MAP4: variants seen among roughly 807,000 people sequenced by gnomAD.
MAP4 encodes the protein microtubule associated protein 4.
A neutral mutation model predicts 170.2 loss-of-function variants in MAP4; 76 were observed. The ratio of observed to expected loss-of-function variants is 0.45; its 90% CI spans 0.37 to 0.54. MAP4 has a LOEUF of 0.54. Ranked by LOEUF, MAP4 falls within the 20% of genes least tolerant of loss-of-function variation. The pLI, the probability that MAP4 is intolerant of heterozygous loss-of-function variation, is 0.00. For missense variants in MAP4, 2,506 were observed against 2,748.0 expected, an observed-to-expected ratio of 0.91 and a Z score of 1.97; for synonymous variants, 909 against 994.5, an observed-to-expected ratio of 0.91 and a Z score of 1.62.
chr3:47,973,268 A>G (rs2100079850), intron 3 of MAP4: 6 of 985,260 alleles, frequency 6.1e-6, no homozygotes, highest in Non-Finnish European at 7.2e-6. Context: ...AAAAGGAAAA[A>G]AAAAGAGAGA....
At chr3:48,015,973 C>T (rs2100107598) in intron 1 of MAP4, among the ~76,000 whole-genome samples, 1 of 152,186 alleles carries the variant, frequency 6.6e-6, no homozygotes, top group Non-Finnish European at 1.5e-5. Context: ...CTAGGTTCCT[C>T]CCTACACAGT....
rs760375075 is a variant in MAP4 at position 47,928,342 on chromosome 3, T to A, written c.301A>T (p.Thr101Ser). Reference protein sequence around the residue: ...VEGSDTTGSPTEFLEEKMAYQ... With the variant: ...VEGSDTTGSPSEFLEEKMAYQ... ...GCCATTTTCTCTTCAAGGAATTCAG[T>A]TGGAGACCCTTAAAATAGAGACACA... Residue 101 changes from threonine (T) to serine (S), a missense_variant, in exon 4 of 21, where the codon ACT (threonine) becomes TCT (serine). Transcript: ENST00000683076. 5.1e-5 allele frequency: 82 copies of A among 1,613,960 alleles called. No individual in the cohort carries two copies. Among genetic ancestry groups the A allele is most frequent in the Non-Finnish European group, 6.5e-5 (77 of 1,179,972 alleles).
intron 17 of MAP4, 68 bp downstream of exon 17, chr3:47,867,178 G>T: frequency 9.2e-7 from 1 of 1,090,688 alleles, no homozygotes; most frequent in South Asian, 1.3e-5. Flanking sequence ...TGGGCACCTG[G>T]CTCTCTCCCT....
chr3:48,007,057 A>G (rs1490813736), intron 1 of MAP4, among the ~76,000 whole-genome samples: 1 of 152,186 alleles, frequency 6.6e-6, no homozygotes, highest in Non-Finnish European at 1.5e-5. Context: ...TCATAATCTT[A>G]TTTGGAGAGA....
rs2100078246 is a variant in MAP4, at chr3:47,970,845, A to G, written c.292+7020T>C. ...AAACAAAAACAAACAAAAAAAAATC[A>G]GAATTATATTTTCACTTAAAGCTCA... On this transcript the variant is annotated intron_variant, in intron 3 of 20. Transcript: ENST00000683076. 2.6e-5 allele frequency among the ~76,000 whole-genome samples: 4 copies of G among 152,162 alleles called. No homozygotes were observed. The South Asian group carries it at 6.2e-4, about 24-fold the overall frequency.
chr3:48,027,192 T>C (rs1231080959), intron 1 of MAP4, among the ~76,000 whole-genome samples: 10 of 152,170 alleles, frequency 6.6e-5, no homozygotes, highest in Admixed American at 5.9e-4. Flanking sequence ...ACAGCTCAAG[T>C]AAATACATGT....
intron 10 of MAP4, among the ~76,000 whole-genome samples, chr3:47,901,795 C>G (rs1408473669): frequency 6.6e-6 from 1 of 152,130 alleles, no homozygotes; most frequent in Admixed American, 6.6e-5. Context: ...CAGAATCCCC[C>G]AATGCTATTT....
chr3:48,061,081 G>A (rs905523488), intron 1 of MAP4, among the ~76,000 whole-genome samples: 4 of 151,944 alleles, frequency 2.6e-5, no homozygotes, highest in East Asian at 1.9e-4. Context: ...TCCTGACCTC[G>A]TAATCCACCC....
At position 47,851,995 on chromosome 3, in the gene MAP4, TAC is replaced by T. The variant is rs1005514183; in HGVS notation, c.*937_*938del. 70 of 152,408 alleles carry T rather than the reference TAC, an allele frequency of 4.6e-4. No homozygotes were observed. Among genetic ancestry groups the T allele is most frequent in the African/African-American group, 1.6e-3 (68 of 41,524 alleles). 9.4% of individuals were successfully genotyped at this position (152,408 alleles called of 1,614,324 possible). On this transcript the variant is annotated 3_prime_UTR_variant, in exon 21 of 21. Transcript: ENST00000683076. ...TCTTGGTTAGAAAAGAAAAGCAGCATACACACAACAAAATGGCAAAACCAACC... is the reference window on the plus strand; with the variant it reads ...TCTTGGTTAGAAAAGAAAAGCAGCATACACAACAAAATGGCAAAACCAACC...
chr3:47,955,252 A>G (rs145248238), intron 3 of MAP4, among the ~76,000 whole-genome samples: 2 of 152,226 alleles, frequency 1.3e-5, no homozygotes, highest in Non-Finnish European at 1.5e-5. Context: ...GTATACTGCT[A>G]TTAACCTGAA....
At chr3:48,046,399 G>A (rs2100124590) in intron 1 of MAP4, among the ~76,000 whole-genome samples, 1 of 152,134 alleles carries the variant, frequency 6.6e-6, no homozygotes, top group Non-Finnish European at 1.5e-5. Context: ...TGTTATTAGG[G>A]AATTGGTATT....
At chr3:47,938,749 ATC>A (rs757476651) in intron 3 of MAP4, among the ~76,000 whole-genome samples, 1 of 152,130 alleles carries the variant, frequency 6.6e-6, no homozygotes, top group Non-Finnish European at 1.5e-5. Flanking sequence ...CAGCCCTTTC[ATC>A]TCTCTTAGTC....
intron 1 of MAP4, among the ~76,000 whole-genome samples, chr3:48,027,689 A>T (rs1235914596): frequency 6.6e-6 from 1 of 151,978 alleles, no homozygotes; most frequent in Non-Finnish European, 1.5e-5. Flanking sequence ...TACAAAAAAT[A>T]AAAAAAATTA....
At chr3:47,921,937 A>G (rs1559474664) in intron 4 of MAP4, 59 bp from the exon 5 acceptor site, 1 of 799,928 alleles carries the variant, frequency 1.3e-6, no homozygotes, top group African/African-American at 1.7e-5. Flanking sequence ...AAAGATTAAT[A>G]TTTCTTTCTT....
At chr3:47,895,662 A>G (rs1215428766) in intron 10 of MAP4, among the ~76,000 whole-genome samples, 1 of 152,238 alleles carries the variant, frequency 6.6e-6, no homozygotes, top group African/African-American at 2.4e-5. Flanking sequence ...CAGCCTACCC[A>G]GACCCACTTC....
In MAP4 at chr3:47,909,060, T is replaced by A; in HGVS notation, c.5361A>T (p.Arg1787Ser). 1 of 1,613,522 alleles carries A rather than the reference T, an allele frequency of 6.2e-7. No homozygotes were observed. Among genetic ancestry groups the A allele is most frequent in the Non-Finnish European group, 8.5e-7 (1 of 1,179,722 alleles). ...TACCAGCGGACTTCAGTTGCTTATG[T>A]CTCTCTTGTTCCTGGATTGTAGACT... ...LPKSTIQEQE[R>S]HKQLKSAVCL... Residue 1787 changes from arginine to serine, a missense_variant, in exon 9 of 21, where the codon AGA becomes AGT. By Grantham distance (110) the Arg-to-Ser change is moderately radical. Transcript: ENST00000683076.
chr3:48,049,266 T>A (rs2100126267), intron 1 of MAP4, among the ~76,000 whole-genome samples: 1 of 152,248 alleles, frequency 6.6e-6, no homozygotes, highest in South Asian at 2.1e-4. Flanking sequence ...ATAAATTTTA[T>A]TTTATTTGGA....
At position 47,872,021 on chromosome 3, in the gene MAP4, G is replaced by C; in HGVS notation, c.5837C>G (p.Ser1946Cys). ...TTTTGCAACAGTCTGAGTGCTCTTG[G>C]ACCCAGATCTGGAGGCTGGGGCAGA... ...PASAPASRSG[S>C]KSTQTVAKTT... The change falls in exon 13 of 21, where the codon TCC becomes TGC. Residue 1946 changes from serine (S) to cysteine (C), a missense_variant. Physicochemically the swap from Ser to Cys is moderately radical, Grantham distance 112 (BLOSUM62 -1). Transcript: ENST00000683076. 1 of 1,614,102 alleles carries C rather than the reference G, an allele frequency of 6.2e-7. No individual in the cohort carries two copies. The highest frequency in any genetic ancestry group is 2.2e-5 in the East Asian group (1 of 44,880).
chr3:47,894,487 G>A (rs901855008), intron 10 of MAP4, among the ~76,000 whole-genome samples: 2 of 152,094 alleles, frequency 1.3e-5, no homozygotes, highest in African/African-American at 4.8e-5. Context: ...GGAGGCTGAG[G>A]CAGGAGAATG....
Sources: allele counts gnomAD v4.1 joint callset (sites outside exome capture counted in the v4.1 genomes callset), GRCh38; gene constraint gnomAD v4.1.1; transcripts MANE v1.5; gene names NCBI Gene and HGNC (gene_info 2026-07-23, HGNC 2026-07-21).